ITSN1: variants seen among roughly 807,000 people sequenced by gnomAD.
The protein encoded by ITSN1 is intersectin-1.
In ITSN1, 58 loss-of-function variants were observed where a neutral mutation model predicts 239.8. The ratio of observed to expected loss-of-function variants is 0.24; its 90% confidence interval spans 0.20 to 0.30. The LOEUF is 0.30. Among genes scored for constraint, ITSN1 ranks in the 10% least tolerant of loss-of-function variants. The pLI is 1.00. For synonymous variants in ITSN1, 780 were observed against 770.8 expected, an observed-to-expected ratio of 1.01 and a Z score of -0.20; for missense variants, 1,558 against 2,103.3, an observed-to-expected ratio of 0.74 and a Z score of 5.07.
At chr21:33,710,155 T>C (rs2092373241) in intron 1 of ITSN1, among the ~76,000 whole-genome samples, 1 of 150,910 alleles carries the variant, frequency 6.6e-6, no homozygotes, top group Admixed American at 6.6e-5. Flanking sequence ...CTCGGCTCAC[T>C]GCAAGCTCTG....
intron 17 of ITSN1, among the ~76,000 whole-genome samples, chr21:33,796,816 A>G (rs1421444017): frequency 1.3e-5 from 2 of 152,252 alleles, no homozygotes; most frequent in Admixed American, 6.5e-5. Flanking sequence ...TGGAATGAGA[A>G]AAATCATTCT....
chr21:33,780,206 T>A (rs775123380), intron 14 of ITSN1, among the ~76,000 whole-genome samples: 60 of 152,380 alleles, frequency 3.9e-4, no homozygotes, highest in Non-Finnish European at 4.9e-4. Context: ...TTTATTAAAC[T>A]AAGTATTATC....
At chr21:33,761,166 C>A (rs1178321411) in intron 8 of ITSN1, among the ~76,000 whole-genome samples, 1 of 151,974 alleles carries the variant, frequency 6.6e-6, no homozygotes, top group African/African-American at 2.4e-5. Context: ...GCCTCCGCCT[C>A]TGGGGCTCAA....
At chr21:33,852,747 TA>T (rs1978561167) in intron 29 of ITSN1, among the ~76,000 whole-genome samples, 1 of 152,172 alleles carries the variant, frequency 6.6e-6, no homozygotes, top group African/African-American at 2.4e-5. Flanking sequence ...GGATTTCAGT[TA>T]GTTTTGAGAA....
chr21:33,676,275 G>C (rs952696263), intron 1 of ITSN1, among the ~76,000 whole-genome samples: 5 of 152,222 alleles, frequency 3.3e-5, no homozygotes, highest in African/African-American at 1.2e-4. Flanking sequence ...GAGCCATTGC[G>C]CCTGTCCTGA....
intron 27 of ITSN1, among the ~76,000 whole-genome samples, chr21:33,830,958 CAGT>C (rs912469953): frequency 2.4e-4 from 36 of 152,154 alleles, no homozygotes; most frequent in Admixed American, 1.6e-3. Flanking sequence ...CAAGTGTTGA[CAGT>C]AGGTGAATTC....
chr21:33,842,690 C>G (rs909423187), intron 29 of ITSN1, among the ~76,000 whole-genome samples: 4 of 152,152 alleles, frequency 2.6e-5, no homozygotes, highest in Admixed American at 6.5e-5. Flanking sequence ...TCCACATCTG[C>G]TTGGCACGTC....
At chr21:33,817,298 C>T (rs761504912) in intron 22 of ITSN1, 42 of 1,304,378 alleles carry the variant, frequency 3.2e-5, no homozygotes, top group East Asian at 1.1e-4. Flanking sequence ...CTTCTCTTCC[C>T]GGACCCCCTG....
At chr21:33,813,824 T>TG (rs72451475) in intron 21 of ITSN1, 89 bp from the exon 22 acceptor site, 25 of 228,222 alleles carry the variant, frequency 1.1e-4, no homozygotes, top group African/African-American at 8.1e-4. Context: ...GAGTGCTTGC[T>TG]TTTTTTTTTT....
chr21:33,669,294 G>C (rs2090114664), intron 1 of ITSN1, among the ~76,000 whole-genome samples: 1 of 152,126 alleles, frequency 6.6e-6, no homozygotes, highest in African/African-American at 2.4e-5. Context: ...CATTGGCCAG[G>C]CTGGTCTTGA....
intron 29 of ITSN1, among the ~76,000 whole-genome samples, chr21:33,854,238 A>T (rs1461959797): frequency 2.0e-5 from 3 of 152,262 alleles, no homozygotes; most frequent in African/African-American, 7.2e-5. Flanking sequence ...AAACTGGTCC[A>T]GCCAGTGGCC....
At chr21:33,808,085 G>T (rs1428339176) in intron 20 of ITSN1, among the ~76,000 whole-genome samples, 2 of 152,034 alleles carry the variant, frequency 1.3e-5, no homozygotes, top group Non-Finnish European at 2.9e-5. Flanking sequence ...TACTCGGGAG[G>T]CTGAGGCAGG....
At chr21:33,656,155 C>T (rs1039367034) in intron 1 of ITSN1, among the ~76,000 whole-genome samples, 18 of 152,072 alleles carry the variant, frequency 1.2e-4, no homozygotes, top group Non-Finnish European at 2.1e-4. Context: ...CATCATATGA[C>T]CAAGGGAAAC....
intron 1 of ITSN1, among the ~76,000 whole-genome samples, chr21:33,681,693 C>T (rs935519924): frequency 4.0e-5 from 6 of 148,268 alleles, no homozygotes; most frequent in African/African-American, 7.6e-5. Flanking sequence ...TTTTTTGAGA[C>T]GGAGTCTCGC....
chr21:33,734,996 G>A (rs773007015), intron 4 of ITSN1, 48 bp from the exon 5 acceptor site: 2 of 1,543,288 alleles, frequency 1.3e-6, no homozygotes, highest in South Asian at 1.3e-5. Flanking sequence ...TTTTGGAAAG[G>A]TTCTTTTATG....
chr21:33,725,557 G>A (rs1174855059), intron 4 of ITSN1, among the ~76,000 whole-genome samples: 1 of 152,102 alleles, frequency 6.6e-6, no homozygotes, highest in East Asian at 1.9e-4. Context: ...CTATGATTGT[G>A]CCTTCTAGCG....
intron 38 of ITSN1, among the ~76,000 whole-genome samples, chr21:33,885,780 C>T (rs1027150077): frequency 2.6e-5 from 4 of 152,108 alleles, no homozygotes; most frequent in Non-Finnish European, 4.4e-5. Context: ...GCCAAAGTAA[C>T]GAGACAGGAA....
At chr21:33,827,433 A>G (rs1277175384) in intron 26 of ITSN1, among the ~76,000 whole-genome samples, 2 of 152,120 alleles carry the variant, frequency 1.3e-5, no homozygotes, top group Admixed American at 6.5e-5. Context: ...AAATAAATAT[A>G]TAGATAAATA....
chr21:33,825,232 G>C (rs2073915465), intron 25 of ITSN1, among the ~76,000 whole-genome samples: 1 of 151,712 alleles, frequency 6.6e-6, no homozygotes, highest in Non-Finnish European at 1.5e-5. Context: ...GAGTTGTAAG[G>C]TACTTTCTTA....
Sources: gnomAD v4.1 joint callset for allele counts (sites outside exome capture counted in the v4.1 genomes callset) on GRCh38, gnomAD v4.1.1 for gene constraint, MANE v1.5 for transcripts, NCBI Gene and HGNC (gene_info 2026-07-23, HGNC 2026-07-21) for gene names.